Variants in CAPN15 observed in about 807,000 individuals in gnomAD.
CAPN15 encodes the protein calpain-15.
CAPN15 carries 53 observed loss-of-function variants against 97.9 expected under a neutral mutation model. The observed-to-expected ratio is 0.54, with a 90% confidence interval of 0.43 to 0.68. CAPN15 has a LOEUF of 0.68. Among genes scored for constraint, CAPN15 ranks in the 30% least tolerant of loss-of-function variants. The pLI, the probability that CAPN15 is intolerant of heterozygous loss-of-function variation, is 0.00. For synonymous variants in CAPN15, 922 were observed against 722.5 expected (o/e 1.28, Z -4.43); for missense variants, 1,592 against 1,589.8 (o/e 1.00, Z -0.02).
intron 1 of CAPN15, among the ~76,000 whole-genome samples, chr16:529,584 A>G (rs1457281221): frequency 2.0e-5 from 3 of 152,206 alleles, no homozygotes; most frequent in Non-Finnish European, 4.4e-5. Context: ...CCGGAACCAC[A>G]GGTGTTGTTC....
intron 7 of CAPN15, among the ~76,000 whole-genome samples, chr16:550,300 A>G (rs931621412): frequency 2.0e-5 from 3 of 152,158 alleles, no homozygotes; most frequent in African/African-American, 7.2e-5. Context: ...GACCCTGGGC[A>G]GTGCTGCTGC....
intron 3 of CAPN15, among the ~76,000 whole-genome samples, chr16:540,907 T>G (rs1370496284): frequency 6.6e-6 from 1 of 152,058 alleles, no homozygotes; most frequent in Non-Finnish European, 1.5e-5. Context: ...GGTGGTGAGG[T>G]CTGGACTGGC....
At chr16:533,184 G>C (rs965176486) in intron 1 of CAPN15, among the ~76,000 whole-genome samples, 11 of 152,324 alleles carry the variant, frequency 7.2e-5, no homozygotes, top group African/African-American at 2.2e-4. Flanking sequence ...TTGCACCACT[G>C]CACCCCAGCC....
Position 532,973 on chromosome 16 carries a change from C to T in CAPN15, c.-189-973C>T, listed in dbSNP as rs559381659. Among the ~76,000 whole-genome samples, 13 of 152,162 alleles carry T rather than the reference C, an allele frequency of 8.5e-5. No homozygotes were observed. The South Asian group carries it at 2.7e-3, about 32-fold the overall frequency. On this transcript the variant is annotated intron_variant, in intron 1 of 13. Transcript: ENST00000219611. The stretch of plus-strand genomic sequence containing the variant: ...TGGTGGCTCATGCCTGGAATCCCAG[C>T]ACTGGGGGAGGCCGAGGCGGGTGGA...
In CAPN15 at chr16:548,051, G is replaced by C. The variant is rs1026529682; in HGVS notation, c.1213G>C (p.Ala405Pro). 7.7e-6 allele frequency: 12 copies of C among 1,553,742 alleles called. No individual in the cohort carries two copies. Among genetic ancestry groups the C allele is most frequent in the Non-Finnish European group, 9.6e-6 (11 of 1,150,636 alleles). ...CGGACGGGTGTCCTCGGCCCAGAAGGCCGCCCGCGTCCTGCCCGAGCGCCC... is the reference window on the plus strand; with the variant it reads ...CGGACGGGTGTCCTCGGCCCAGAAGCCCGCCCGCGTCCTGCCCGAGCGCCC... The part of the protein sequence containing the change: ...SCGRVSSAQK[A>P]ARVLPERPGQ... The change falls in exon 4 of 14, where the codon GCC becomes CCC. Residue 405 changes from alanine (A) to proline (P), a missense_variant. Physicochemically the swap from Ala to Pro is conservative, Grantham distance 27 (BLOSUM62 -1). This residue lies in a region of CAPN15 where 883 missense variants were observed against 776.6 expected (regional missense o/e 1.14). Coordinates refer to ENST00000219611, the MANE Select transcript of CAPN15 (RefSeq NM_005632.3).
In CAPN15 at chr16:551,697, C is replaced by G. The variant is rs377580076; in HGVS notation, c.2345+33C>G. The G allele has an allele frequency of 8.2e-6, 13 of 1,579,338 alleles. No individual in the cohort carries two copies. The African/African-American group carries it at 1.6e-4, about 20-fold the overall frequency. On this transcript the variant is annotated intron_variant, in intron 9 of 13. Transcript: ENST00000219611. ...CACCGTGGGGCGGTGTGCACGCCGC[C>G]CCCGCCCTCCTAGGGCCGAGTCCTT... is the stretch of plus-strand genomic sequence containing the variant.
intron 1 of CAPN15, among the ~76,000 whole-genome samples, chr16:529,832 G>A (rs1567130760): frequency 6.6e-6 from 1 of 152,228 alleles, no homozygotes. Flanking sequence ...ACTCGGCCCT[G>A]GACCGTGAGG....
At chr16:541,035 G>GA (rs1260032766) in intron 3 of CAPN15, among the ~76,000 whole-genome samples, 2 of 152,240 alleles carry the variant, frequency 1.3e-5, no homozygotes, top group African/African-American at 4.8e-5. Flanking sequence ...TCTCACAGCG[G>GA]GTCCAGGCCT....
intron 2 of CAPN15, among the ~76,000 whole-genome samples, chr16:534,228 C>A (rs575410460): frequency 6.6e-6 from 1 of 152,090 alleles, no homozygotes; most frequent in African/African-American, 2.4e-5. Flanking sequence ...CCCGGGGTCC[C>A]GACAGGGGTG....
chr16:548,671 C>A (rs541561168), intron 4 of CAPN15, among the ~76,000 whole-genome samples: 2 of 152,226 alleles, frequency 1.3e-5, no homozygotes, highest in African/African-American at 4.8e-5. Flanking sequence ...ATGGCATCAC[C>A]CACGGGTCAA....
intron 1 of CAPN15, among the ~76,000 whole-genome samples, chr16:529,720 GGAC>G (rs2033112251): frequency 6.6e-6 from 1 of 152,198 alleles, no homozygotes; most frequent in South Asian, 2.1e-4. Context: ...CTGAGAAGGA[GGAC>G]GACATCATTA....
At chr16:551,975 G>C in intron 9 of CAPN15, 76 bp from the exon 10 acceptor site, 1 of 1,457,458 alleles carries the variant, frequency 6.9e-7, no homozygotes, top group Non-Finnish European at 9.4e-7. Flanking sequence ...TCACCGGCCT[G>C]TGGTTGCGGT....
At position 552,019 on chromosome 16, in the gene CAPN15, G is replaced by C. The variant is rs2035121613; in HGVS notation, c.2346-32G>C. On this transcript the variant is annotated intron_variant, in intron 9 of 13. Coordinates refer to ENST00000219611, the MANE Select transcript of CAPN15 (RefSeq NM_005632.3). This position sits in a 1 kb window ranked among gnomAD's most constrained non-coding sequence, Gnocchi z 6.4. Reference sequence around the variant, plus strand: ...AGCCACGGAGGTGTGGGCCGTGGTAGGCTCAGGGCCCCGTCCTCCCGCCAC... The same window carrying C: ...AGCCACGGAGGTGTGGGCCGTGGTACGCTCAGGGCCCCGTCCTCCCGCCAC... 1 of 1,543,644 alleles carries C rather than the reference G, an allele frequency of 6.5e-7. No homozygotes were observed. Among genetic ancestry groups the C allele is most frequent in the Admixed American group, 2.0e-5 (1 of 50,522 alleles).
At chr16:541,120 G>A (rs954106574) in intron 3 of CAPN15, among the ~76,000 whole-genome samples, 7 of 152,378 alleles carry the variant, frequency 4.6e-5, no homozygotes, top group African/African-American at 9.6e-5. Flanking sequence ...CAGCTCCCAC[G>A]GGGGACGATG....
chr16:541,144 T>C (rs1461426303), intron 3 of CAPN15, among the ~76,000 whole-genome samples: 2 of 152,218 alleles, frequency 1.3e-5, no homozygotes, highest in Non-Finnish European at 2.9e-5. Context: ...TGCTGTCTGT[T>C]GGCCCCCAGG....
chr16:544,562 T>C (rs1312960129), intron 3 of CAPN15, among the ~76,000 whole-genome samples: 1 of 152,008 alleles, frequency 6.6e-6, no homozygotes, highest in Non-Finnish European at 1.5e-5. Context: ...CACCTCCCTT[T>C]TGAATTGGAG....
intron 3 of CAPN15, among the ~76,000 whole-genome samples, chr16:545,169 C>T (rs2034500062): frequency 6.6e-6 from 1 of 152,048 alleles, no homozygotes; most frequent in African/African-American, 2.4e-5. Context: ...CAATCAGACC[C>T]CATCTCTAAA....
Position 551,661 on chromosome 16 carries a change from T to C in CAPN15, c.2342T>C (p.Val781Ala). Residue 781 changes from valine (V) to alanine (A), a missense_variant, in exon 9 of 14, where the codon GTC (valine) becomes GCC (alanine). Around this residue, in one of 3 missense-constraint regions of CAPN15, gnomAD observed 644 missense variants for 699.6 expected, o/e 0.92. Coordinates refer to ENST00000219611, the MANE Select transcript of CAPN15 (RefSeq NM_005632.3). ...TTCTGGATGGAGTACGGCGACTTTG[T>C]CAGGTATCGGCACCGTGGGGCGGTG... ...GVFWMEYGDF[V>A]RYFDSVDICK... The C allele has an allele frequency of 1.3e-6, 2 of 1,590,382 alleles. No homozygotes were observed. Among genetic ancestry groups the C allele is most frequent in the Non-Finnish European group, 1.7e-6 (2 of 1,171,262 alleles).
intron 3 of CAPN15, among the ~76,000 whole-genome samples, chr16:544,687 C>CCGTCGCCTCCCCCT (rs2034409313): frequency 7.0e-6 from 1 of 142,238 alleles, no homozygotes; most frequent in Admixed American, 7.0e-5. Flanking sequence ...AAGGAGCGGC[C>CCGTCGCCTCCCCCT]CGTCGCCTCC....
Sources: gnomAD v4.1 joint callset for allele counts (sites outside exome capture counted in the v4.1 genomes callset) on GRCh38, gnomAD v4.1.1 for gene constraint, gnomAD v4.1.1 regional missense constraint, Gnocchi (gnomAD v3.1) non-coding constraint, MANE v1.5 for transcripts, NCBI Gene and HGNC (gene_info 2026-07-23, HGNC 2026-07-21) for gene names.